PROSER1: variants seen among roughly 807,000 people sequenced by gnomAD.
PROSER1 encodes the protein proline and serine rich 1.
In PROSER1, 36 loss-of-function variants were observed where a neutral mutation model predicts 71.8. The observed-to-expected ratio is 0.50, with a 90% confidence interval of 0.38 to 0.66. The LOEUF is 0.66. Among genes scored for constraint, PROSER1 ranks in the 30% least tolerant of loss-of-function variants. The pLI, the probability that PROSER1 is intolerant of heterozygous loss-of-function variation, is 0.00. For synonymous variants in PROSER1, 490 were observed against 452.4 expected (o/e 1.08, Z -1.06); for missense variants, 1,107 against 1,135.0 (o/e 0.98, Z 0.35).
rs1232814561 is a variant in PROSER1 at position 39,014,261 on chromosome 13, T to C, written c.991A>G (p.Ile331Val). The change falls in exon 11 of 13, where the codon ATA (isoleucine) becomes GTA (valine). Residue 331 changes from isoleucine to valine, a missense_variant. Physicochemically the swap from Ile to Val is conservative, Grantham distance 29 (BLOSUM62 3). Coordinates refer to ENST00000352251, the MANE Select transcript of PROSER1 (RefSeq NM_025138.5). Reference protein sequence around the residue: ...SSAVHTPQPSIPNPTVIRTPS... With the variant: ...SSAVHTPQPSVPNPTVIRTPS... ...GTTCTGATAACTGTTGGGTTTGGTA[T>C]TGATGGCTGAGGTGTGTGAACGGCT... is the stretch of plus-strand genomic sequence containing the variant. The C allele has an allele frequency of 2.5e-6, 4 of 1,613,936 alleles. No individual in the cohort carries two copies. Among genetic ancestry groups the C allele is most frequent in the African/African-American group, 2.7e-5 (2 of 74,864 alleles).
At chr13:39,022,261 T>A in intron 9 of PROSER1, 65 bp downstream of exon 9, 1 of 1,070,022 alleles carries the variant, frequency 9.3e-7, no homozygotes, top group South Asian at 1.3e-5. Flanking sequence ...GCCAAACAAC[T>A]GTCCGTTCCA....
intron 9 of PROSER1, 78 bp from the exon 10 acceptor site, chr13:39,017,622 AAAG>A (rs1870069070): frequency 6.6e-6 from 5 of 756,178 alleles, no homozygotes; most frequent in South Asian, 1.7e-5. Context: ...ATTTGGATAA[AAAG>A]AAAAACACAG....
At chr13:39,029,425 G>C in intron 3 of PROSER1, 50 bp from the exon 4 acceptor site, 10 of 1,032,786 alleles carry the variant, frequency 9.7e-6, no homozygotes, top group Non-Finnish European at 1.4e-5. Flanking sequence ...TTTCATGCCA[G>C]AAATTACCTT....
At chr13:39,024,855 C>T (rs1045607054) in intron 6 of PROSER1, among the ~76,000 whole-genome samples, 2 of 152,074 alleles carry the variant, frequency 1.3e-5, no homozygotes, top group East Asian at 3.9e-4. Context: ...GGACCTCCCC[C>T]ATAAATACCA....
chr13:39,011,931 G>A, intron 12 of PROSER1, 152 bp downstream of exon 12: 1 of 796,800 alleles, frequency 1.3e-6, no homozygotes, highest in South Asian at 2.1e-5. Context: ...TTGCAAATTT[G>A]GAGAGAAGTA....
At chr13:39,037,153 C>G in intron 1 of PROSER1, 45 bp downstream of exon 1, 1 of 1,402,520 alleles carries the variant, frequency 7.1e-7, no homozygotes, top group Non-Finnish European at 1.0e-6. Context: ...GTCTAAAACA[C>G]GAGAATTCAT....
Position 39,014,204 on chromosome 13 carries a change from T to C in PROSER1, c.1048A>G (p.Ile350Val), listed in dbSNP as rs530867178. ...ACAGGAGTGGTGGTTGTACTGTGGA[T>C]GGATGTAACAGGTGCAGTGGGCAAT... Reference protein sequence around the residue: ...PSLPTAPVTSIHSTTTTPVPS... With the variant: ...PSLPTAPVTSVHSTTTTPVPS... Residue 350 changes from isoleucine to valine, a missense_variant, in exon 11 of 13, where the codon ATC becomes GTC. Ile to Val is a conservative substitution (Grantham distance 29). Transcript: ENST00000352251. The C allele has an allele frequency of 1.9e-6, 3 of 1,613,902 alleles. No homozygotes were observed. The highest frequency in any genetic ancestry group is 2.5e-6 in the Non-Finnish European group (3 of 1,180,020).
chr13:39,037,806 C>G lies in PROSER1; in HGVS notation c.-564G>C, dbSNP rs1390052433. Reference sequence around the variant, plus strand: ...CGCGCTCATCCCCAGCCGCTCCGCCCGACTCCTGGATACCTCGGCCCCGGC... The same window carrying G: ...CGCGCTCATCCCCAGCCGCTCCGCCGGACTCCTGGATACCTCGGCCCCGGC... On this transcript the variant is annotated 5_prime_UTR_variant, in exon 1 of 13. Transcript: ENST00000352251. The G allele has an allele frequency of 6.6e-6, 1 of 152,310 alleles. No homozygotes were observed. Among genetic ancestry groups the G allele is most frequent in the Non-Finnish European group, 1.5e-5 (1 of 68,146 alleles). 9.4% of individuals were successfully genotyped at this position (152,310 alleles called of 1,614,324 possible). A position where few individuals can be genotyped will look rare whatever the true frequency, so the allele number is the denominator to read the frequency against.
At chr13:39,022,553 T>C (rs565242795) in intron 8 of PROSER1, 141 bp from the exon 9 acceptor site, 4 of 579,026 alleles carry the variant, frequency 6.9e-6, no homozygotes, top group South Asian at 6.9e-5. Context: ...GTTGATTTTA[T>C]ATGGAGGTTT....
At chr13:39,021,531 T>C (rs1045689267) in intron 9 of PROSER1, among the ~76,000 whole-genome samples, 7 of 152,018 alleles carry the variant, frequency 4.6e-5, no homozygotes, top group African/African-American at 1.7e-4. Context: ...AAAATAAAAA[T>C]ACCAGGCACC....
rs1368679176 is a variant in PROSER1 at position 39,037,388 on chromosome 13, G to C, written c.-146C>G. 1.5e-6 allele frequency: 1 copy of C among 655,514 alleles called. No homozygotes were observed. The highest frequency in any genetic ancestry group is 1.8e-5 in the African/African-American group (1 of 54,576). The allele number at this position is 655,514 out of a possible 1,614,324, so 40.6% of individuals were successfully genotyped here. A position where few individuals can be genotyped will look rare whatever the true frequency, so the allele number is the denominator to read the frequency against. On this transcript the variant is annotated 5_prime_UTR_variant, in exon 1 of 13. Transcript: ENST00000352251. ...GCAAGAGAGGATGCGAAGAGGTAGA[G>C]AGTATTGCAAACTTCGCAAAAAAAA...
chr13:39,014,452 A>G lies in PROSER1; in HGVS notation c.800T>C (p.Leu267Pro). 1 of 1,609,640 alleles carries G rather than the reference A, an allele frequency of 6.2e-7. No homozygotes were observed. The highest frequency in any genetic ancestry group is 8.5e-7 in the Non-Finnish European group (1 of 1,176,362). ...NQTFSTPASQ[L>P]FSPHGSNPST... ...AGGATTAGAACCATGAGGAGAAAAG[A>G]GTTGACTTGCTGGGGTGGAAAATGC... The change falls in exon 11 of 13, where the codon CTC (leucine) becomes CCC (proline). Residue 267 changes from leucine (L) to proline (P), a missense_variant. Physicochemically the swap from Leu to Pro is moderately conservative, Grantham distance 98. Coordinates refer to ENST00000352251, the MANE Select transcript of PROSER1 (RefSeq NM_025138.5).
At chr13:39,026,974 C>T (rs538654038) in intron 5 of PROSER1, among the ~76,000 whole-genome samples, 40 of 152,110 alleles carry the variant, frequency 2.6e-4, no homozygotes, top group Non-Finnish European at 5.0e-4. Context: ...TAAATGATGC[C>T]GCACACACAC....
chr13:39,018,515 C>CACACT (rs1344187233), intron 9 of PROSER1, among the ~76,000 whole-genome samples: 1 of 150,922 alleles, frequency 6.6e-6, no homozygotes, highest in Admixed American at 6.6e-5. Context: ...CACACACACA[C>CACACT]ACTACTGGGA....
chr13:39,037,654 A>G lies in PROSER1; in HGVS notation c.-412T>C, dbSNP rs958182121. On this transcript the variant is annotated 5_prime_UTR_variant, in exon 1 of 13. Transcript: ENST00000352251. ...CTTTCCCAGGTGGAGCGGCCGGCAG[A>G]GTAGAAACACCTGCGCTCAGAGTCC... is the stretch of plus-strand genomic sequence containing the variant. The G allele has an allele frequency of 6.2e-6, 1 of 162,500 alleles. No homozygotes were observed. Among genetic ancestry groups the G allele is most frequent in the African/African-American group, 2.4e-5 (1 of 41,626 alleles). The allele number at this position is 162,500 out of a possible 1,614,324, so 10.1% of individuals were successfully genotyped here. A position where few individuals can be genotyped will look rare whatever the true frequency, so the allele number is the denominator to read the frequency against.
chr13:39,036,293 C>T (rs1871095077), intron 1 of PROSER1, among the ~76,000 whole-genome samples: 1 of 152,116 alleles, frequency 6.6e-6, no homozygotes, highest in African/African-American at 2.4e-5. Context: ...AAGAAAAAAG[C>T]TGTATAAAAA....
At chr13:39,034,993 T>G (rs1871031641) in intron 1 of PROSER1, among the ~76,000 whole-genome samples, 2 of 152,186 alleles carry the variant, frequency 1.3e-5, no homozygotes, top group African/African-American at 4.8e-5. Context: ...TTTGCTCAGC[T>G]TAGAGATGGA....
chr13:39,011,539 C>T (rs1230903752), intron 12 of PROSER1, 52 bp from the exon 13 acceptor site: 2 of 1,592,698 alleles, frequency 1.3e-6, no homozygotes, highest in East Asian at 2.2e-5. Context: ...TCATTCAAGC[C>T]TGCGCTTGCT....
At chr13:39,028,159 G>A in intron 5 of PROSER1, 68 bp downstream of exon 5, 1 of 787,294 alleles carries the variant, frequency 1.3e-6, no homozygotes, top group Non-Finnish European at 2.2e-6. Context: ...AAGAAGAAAG[G>A]TGCTTTTTCG....
Sources: gnomAD v4.1 joint callset for allele counts (sites outside exome capture counted in the v4.1 genomes callset) on GRCh38, gnomAD v4.1.1 for gene constraint, MANE v1.5 for transcripts, NCBI Gene and HGNC (gene_info 2026-07-23, HGNC 2026-07-21) for gene names.